SLC18A1: variants seen among roughly 807,000 people sequenced by gnomAD.
SLC18A1 encodes solute carrier family 18 member A1, also known as chromaffin granule amine transporter.
SLC18A1 carries 69 observed loss-of-function variants against 53.7 expected under a neutral mutation model. That is an observed-to-expected ratio of 1.28 (90% CI 1.06 to 1.57). SLC18A1 has a LOEUF of 1.57. Among genes scored for constraint, SLC18A1 ranks in the 40% most tolerant of loss-of-function variants. SLC18A1 has a pLI of 0.00. For synonymous variants in SLC18A1, 320 were observed against 248.1 expected (o/e 1.29, Z -2.72); for missense variants, 932 against 668.1 (o/e 1.40, Z -4.35).
intron 13 of SLC18A1, 101 bp from the exon 14 acceptor site, chr8:20,147,823 T>C (rs1290623280): frequency 4.6e-6 from 7 of 1,531,138 alleles, no homozygotes; most frequent in Non-Finnish European, 6.2e-6. Context: ...TGCTGTCTTC[T>C]GCCTCGGACT....
chr8:20,152,061 G>A (rs2071570927), intron 10 of SLC18A1, among the ~76,000 whole-genome samples: 1 of 152,188 alleles, frequency 6.6e-6, no homozygotes, highest in Non-Finnish European at 1.5e-5. Flanking sequence ...CAGGGTTGGG[G>A]AAGGCTTCTT....
Position 20,150,738 on chromosome 8 carries a change from G to A in SLC18A1, c.1022C>T (p.Ala341Val), listed in dbSNP as rs1236813431. ...MCSPKWQLGL[A>V]FLPASVSYLI... ...GTAGGACACACTGGCAGGCAAGAAA[G>A]CTAGACCTGTGGAAGGACACAGATC... The change falls in exon 11 of 16, where the codon GCT (alanine) becomes GTT (valine). Residue 341 changes from alanine (A) to valine (V), a missense_variant. Transcript: ENST00000276373. 4 of 1,613,906 alleles carry A rather than the reference G, an allele frequency of 2.5e-6. No individual in the cohort carries two copies. Among genetic ancestry groups the A allele is most frequent in the Admixed American group, 3.3e-5 (2 of 60,002 alleles).
intron 8 of SLC18A1, among the ~76,000 whole-genome samples, chr8:20,167,511 C>T (rs941071898): frequency 6.6e-6 from 1 of 151,992 alleles, no homozygotes; most frequent in African/African-American, 2.4e-5. Context: ...AAGTGGAGGT[C>T]TCAGTACAAA....
At chr8:20,149,108 G>A (rs1006806646) in intron 12 of SLC18A1, among the ~76,000 whole-genome samples, 1 of 152,152 alleles carries the variant, frequency 6.6e-6, no homozygotes, top group African/African-American at 2.4e-5. Flanking sequence ...GGCCTAGGAG[G>A]TTTGTGTGTT....
At chr8:20,166,848 T>C (rs1445188536) in intron 8 of SLC18A1, among the ~76,000 whole-genome samples, 1 of 151,894 alleles carries the variant, frequency 6.6e-6, no homozygotes, top group East Asian at 1.9e-4. Flanking sequence ...CTGTTTTCCT[T>C]ATAAAAAGAG....
intron 12 of SLC18A1, among the ~76,000 whole-genome samples, chr8:20,148,729 G>A (rs1000925662): frequency 2.6e-5 from 4 of 152,096 alleles, no homozygotes; most frequent in Non-Finnish European, 5.9e-5. Context: ...GCTACCCCAG[G>A]ACACTCACCC....
At chr8:20,159,634 C>CAAAAAAAAATAAAAAAAAAAAAA (rs2071768839) in intron 10 of SLC18A1, among the ~76,000 whole-genome samples, 1 of 81,510 alleles carries the variant, frequency 1.2e-5, no homozygotes, top group South Asian at 4.4e-4. Flanking sequence ...TTGCAGCTGC[C>CAAAAAAAAATAAAAAAAAAAAAA]AAAAAAAAAA....
Position 20,147,655 on chromosome 8 carries a change from A to G in SLC18A1, c.1278T>C (p.Tyr426=). The change falls in exon 14 of 16, where the codon TAT becomes TAC. Residue 426 remains tyrosine, a synonymous_variant. Coordinates refer to ENST00000276373, the MANE Select transcript of SLC18A1 (RefSeq NM_003053.4). ...HLVDLRHTSV[Y]GSVYAIADVA... is the part of the protein sequence containing the mutation. ...CATCAGCGATGGCGTAGACACTCCC[A>G]TACACCGAGGTGTGGCGTAGATCCA... The G allele has an allele frequency of 6.2e-7, 1 of 1,614,126 alleles. No homozygotes were observed. The highest frequency in any genetic ancestry group is 8.5e-7 in the Non-Finnish European group (1 of 1,180,006).
intron 12 of SLC18A1, 50 bp from the exon 13 acceptor site, chr8:20,148,120 G>A (rs575645256): frequency 6.5e-7 from 1 of 1,540,968 alleles, no homozygotes; most frequent in South Asian, 1.1e-5. Context: ...GGGTCAGGTG[G>A]GAGCAAGGTT....
At chr8:20,157,895 A>G (rs2128871466) in intron 10 of SLC18A1, among the ~76,000 whole-genome samples, 1 of 152,314 alleles carries the variant, frequency 6.6e-6, no homozygotes, top group Middle Eastern at 3.4e-3. Context: ...GGCAAATCAA[A>G]TGCCTAATAG....
intron 8 of SLC18A1, among the ~76,000 whole-genome samples, chr8:20,168,799 G>A (rs949309981): frequency 1.3e-5 from 2 of 152,118 alleles, no homozygotes; most frequent in Non-Finnish European, 2.9e-5. Context: ...CAAACTCCTG[G>A]TCTCAAGTGA....
At chr8:20,173,895 CT>C (rs72376505) in intron 5 of SLC18A1, among the ~76,000 whole-genome samples, 46,616 of 135,592 alleles carry the variant, frequency 0.34, 7,689 homozygotes, top group Non-Finnish European at 0.4. Context: ...TAATTCCTTT[CT>C]TTTTTTTTTT....
At chr8:20,167,355 A>G (rs2071994546) in intron 8 of SLC18A1, among the ~76,000 whole-genome samples, 1 of 152,196 alleles carries the variant, frequency 6.6e-6, no homozygotes, top group Non-Finnish European at 1.5e-5. Context: ...TTATAGAATT[A>G]TACAAGTAAG....
intron 15 of SLC18A1, among the ~76,000 whole-genome samples, chr8:20,146,121 T>G (rs2071390667): frequency 1.3e-5 from 2 of 152,094 alleles, no homozygotes; most frequent in East Asian, 1.9e-4. Context: ...TTCACCATGT[T>G]AGCCAGAATG....
At chr8:20,176,671 A>G (rs898220480) in intron 4 of SLC18A1, among the ~76,000 whole-genome samples, 5 of 152,188 alleles carry the variant, frequency 3.3e-5, no homozygotes, top group African/African-American at 1.2e-4. Context: ...TTTTTAGAAC[A>G]TTGGACAAGG....
chr8:20,174,447 G>A lies in SLC18A1; in HGVS notation c.548-3C>T, dbSNP rs1303415975. 1.2e-6 allele frequency: 2 copies of A among 1,611,352 alleles called. No individual in the cohort carries two copies. The highest frequency in any genetic ancestry group is 1.1e-5 in the South Asian group (1 of 90,932). On this transcript the variant is annotated splice_polypyrimidine_tract_variant and splice_region_variant and intron_variant, in intron 4 of 15. Transcript: ENST00000276373. Reference sequence around the variant, plus strand: ...ATAGGTCCCAGAAAAAGCAAACACTGGGCAGAGAGAATAGCAAGATAACTG... The same window carrying A: ...ATAGGTCCCAGAAAAAGCAAACACTAGGCAGAGAGAATAGCAAGATAACTG...
rs145470802 is a variant in SLC18A1 at position 20,150,004 on chromosome 8, G to A, written c.1095-277C>T. Reference sequence around the variant, plus strand: ...TTACAGGAGGAATCAGCTGACTCAGGAGGCACTTGTTCCTTAGAAGTAGCC... The same window carrying A: ...TTACAGGAGGAATCAGCTGACTCAGAAGGCACTTGTTCCTTAGAAGTAGCC... On this transcript the variant is annotated intron_variant, in intron 11 of 15. Transcript: ENST00000276373. Among the ~76,000 whole-genome samples, 1,000 of 152,242 alleles carry A rather than the reference G, an allele frequency of 6.6e-3. 8 individuals are homozygous for A. The highest frequency in any genetic ancestry group is 0.023 in the African/African-American group (962 of 41,552).
chr8:20,149,300 G>C (rs1186664767), intron 12 of SLC18A1, among the ~76,000 whole-genome samples: 1 of 152,048 alleles, frequency 6.6e-6, no homozygotes. Context: ...AGTAAATGAA[G>C]TCATAAAACG....
At position 20,150,603 on chromosome 8, in the gene SLC18A1, C is replaced by G. The variant is rs554478465; in HGVS notation, c.1094+63G>C. ...TGGAAGCTGTTCATCATTCCAAGAT[C>G]AGGAACGGGCGCTCTTCCATCTTAC... On this transcript the variant is annotated intron_variant, in intron 11 of 15. Transcript: ENST00000276373. 7 of 1,378,926 alleles carry G rather than the reference C, an allele frequency of 5.1e-6. No homozygotes were observed. In the African/African-American group the frequency reaches 5.7e-5, roughly 11 times the overall value. 85.4% of individuals were successfully genotyped at this position (1,378,926 alleles called of 1,614,324 possible).
Sources: gnomAD v4.1 joint callset for allele counts (sites outside exome capture counted in the v4.1 genomes callset) on GRCh38, gnomAD v4.1.1 for gene constraint, MANE v1.5 for transcripts, NCBI Gene and HGNC (gene_info 2026-07-23, HGNC 2026-07-21) for gene names.